Variants in SYDE2 observed in about 807,000 individuals in gnomAD.
SYDE2 encodes synapse defective Rho GTPase homolog 2, also known as rho GTPase-activating protein SYDE2.
Under a neutral mutation model 91.5 loss-of-function variants are expected in SYDE2, and 76 were observed. That is an observed-to-expected ratio of 0.83 (90% CI 0.69 to 1.01). The LOEUF (loss-of-function observed/expected upper bound fraction) is 1.01, where lower values mean the gene tolerates loss of function less well. Among genes scored for constraint, SYDE2 ranks in the 50% least tolerant of loss-of-function variants. The pLI is 0.00. For synonymous variants in SYDE2, 513 were observed against 506.4 expected, an observed-to-expected ratio of 1.01 and a Z score of -0.18; for missense variants, 1,364 against 1,367.7, an observed-to-expected ratio of 1.00 and a Z score of 0.04.
chr1:85,154,910 A>C (rs1038091492), downstream of SYDE2, among the ~76,000 whole-genome samples: 5 of 151,504 alleles, frequency 3.3e-5, no homozygotes, highest in Admixed American at 6.6e-5. Flanking sequence ...ACACACAAGG[A>C]CTCCTAGTTT....
rs5775829 is a variant in SYDE2, at chr1:85,170,114, CT to C, written c.2672-890del. ...TGATTCTATACGAAGCTTCCCATCT[CT>C]TTTTTTTTTTTTTTTTTAATTGTGA... On this transcript the variant is annotated intron_variant, in intron 4 of 6. Coordinates refer to ENST00000341460, the MANE Select transcript of SYDE2 (RefSeq NM_032184.2). 5.9e-4 allele frequency among the ~76,000 whole-genome samples: 78 copies of C among 131,228 alleles called. 1 individual carries two copies. Among genetic ancestry groups the C allele is most frequent in the Admixed American group, 9.5e-4 (12 of 12,654 alleles). 86.1% of individuals were successfully genotyped at this position (131,228 alleles called of 152,430 possible).
At chr1:85,194,798 C>G (rs1156269197) in intron 1 of SYDE2, 26 of 981,646 alleles carry the variant, frequency 2.6e-5, no homozygotes, top group Non-Finnish European at 2.9e-5. Context: ...GAACATTTAA[C>G]TAGTGCCCCC....
downstream of SYDE2, among the ~76,000 whole-genome samples, chr1:85,155,009 C>CAAAAAAAAAAAAAAAAGA (rs1656845777): frequency 3.7e-5 from 3 of 80,656 alleles, no homozygotes; most frequent in African/African-American, 6.3e-5. Flanking sequence ...AAGAATGCAG[C>CAAAAAAAAAAAAAAAAGA]AAAAAAAAAA....
chr1:85,178,074 C>T lies in SYDE2; in HGVS notation c.2671+72G>A, dbSNP rs988223240. On this transcript the variant is annotated intron_variant, in intron 4 of 6. Transcript: ENST00000341460. ...AAACAAATTAAATTTCAGCTACAAA[C>T]GTATTTCAGTTATCTTTCTTGCAGA... The T allele has an allele frequency of 3.6e-5, 44 of 1,226,378 alleles. 1 individual carries two copies. Among genetic ancestry groups the T allele is most frequent in the Middle Eastern group, 1.9e-4 (1 of 5,138 alleles). The allele number at this position is 1,226,378 out of a possible 1,614,324, so 76.0% of individuals were successfully genotyped here.
chr1:85,200,384 T>C lies in SYDE2; in HGVS notation c.613A>G (p.Met205Val), dbSNP rs766873107. 6.2e-7 allele frequency: 1 copy of C among 1,613,990 alleles called. No homozygotes were observed. The highest frequency in any genetic ancestry group is 2.2e-5 in the East Asian group (1 of 44,870). The change falls in exon 1 of 7, where the codon ATG (methionine) becomes GTG (valine). Residue 205 changes from methionine to valine, a missense_variant. By Grantham distance (21) the Met-to-Val change is conservative (BLOSUM62 1). Coordinates refer to ENST00000341460, the MANE Select transcript of SYDE2 (RefSeq NM_032184.2). ...GCCGTCCCACGGGCACGACCCTTCA[T>C]TCCCAGGGACAGCAGACGCCCTTTG... is the stretch of plus-strand genomic sequence containing the variant. ...MYKGRLLSLG[M>V]KGRARGTAPK...
At chr1:85,155,009 C>CAAAAAAAAAAAAAAAAAAAAAAAAGAAAA, downstream of SYDE2, among the ~76,000 whole-genome samples, 1 of 80,674 alleles carries the variant, frequency 1.2e-5, no homozygotes, top group African/African-American at 6.3e-5. Flanking sequence ...AAGAATGCAG[C>CAAAAAAAAAAAAAAAAAAAAAAAAGAAAA]AAAAAAAAAA....
intron 1 of SYDE2, chr1:85,194,690 A>C: frequency 2.8e-6 from 1 of 351,998 alleles, no homozygotes; most frequent in South Asian, 1.2e-4. Context: ...GGCAATTAAA[A>C]GTTTTTCACT....
chr1:85,178,359 A>C, intron 3 of SYDE2, 87 bp from the exon 4 acceptor site: 1 of 1,227,816 alleles, frequency 8.1e-7, no homozygotes, highest in Non-Finnish European at 1.1e-6. Context: ...TTTGCAATCA[A>C]ATATGTTCTG....
intron 6 of SYDE2, among the ~76,000 whole-genome samples, chr1:85,163,194 C>T (rs999384852): frequency 6.6e-6 from 1 of 150,614 alleles, no homozygotes; most frequent in Non-Finnish European, 1.5e-5. Context: ...GCAACCTCCG[C>T]CTCCCTAGTT....
Position 85,190,522 on chromosome 1 carries a change from G to A in SYDE2, c.976C>T (p.Leu326=). ...GATGATTTGAGGAAAGACTGTGATAGCTGATGTTTAGGTAGAGACACAGGT... is the reference window on the plus strand; with the variant it reads ...GATGATTTGAGGAAAGACTGTGATAACTGATGTTTAGGTAGAGACACAGGT... ...ISPVSLPKHQ[L]SQSFLKSSKE... Residue 326 remains leucine, a synonymous_variant, in exon 2 of 7, where the codon CTA becomes TTA. Coordinates refer to ENST00000341460, the MANE Select transcript of SYDE2 (RefSeq NM_032184.2). The A allele has an allele frequency of 6.2e-7, 1 of 1,613,968 alleles. No homozygotes were observed. Among genetic ancestry groups the A allele is most frequent in the Non-Finnish European group, 8.5e-7 (1 of 1,179,840 alleles).
chr1:85,164,755 T>A lies in SYDE2; in HGVS notation c.2856A>T (p.Ala952=). Reference sequence around the variant, plus strand: ...AATGATCCAACAACATCTTTAGGGTTGCCTAAATTAAATTAAATTTCAATT... The same window carrying A: ...AATGATCCAACAACATCTTTAGGGTAGCCTAAATTAAATTAAATTTCAATT... ...LLDCLPEIEK[A]TLKMLLDHLK... is the part of the protein sequence containing the mutation. Residue 952 remains alanine (A), a splice_region_variant and synonymous_variant, in exon 6 of 7, where the codon GCA becomes GCT. Transcript: ENST00000341460. The A allele has an allele frequency of 1.5e-6, 2 of 1,346,090 alleles. No individual in the cohort carries two copies. Among genetic ancestry groups the A allele is most frequent in the Non-Finnish European group, 1.9e-6 (2 of 1,043,854 alleles). 83.4% of individuals were successfully genotyped at this position (1,346,090 alleles called of 1,614,324 possible).
At chr1:85,196,015 T>C (rs900480895) in intron 1 of SYDE2, among the ~76,000 whole-genome samples, 1 of 152,170 alleles carries the variant, frequency 6.6e-6, no homozygotes, top group Non-Finnish European at 1.5e-5. Context: ...CTGTTAACCA[T>C]TGTCCTATAC....
intron 4 of SYDE2, among the ~76,000 whole-genome samples, chr1:85,173,371 G>A (rs1657571834): frequency 6.6e-6 from 1 of 152,140 alleles, no homozygotes; most frequent in African/African-American, 2.4e-5. Context: ...GGTATCAGGG[G>A]GAGCAGGGCC....
chr1:85,168,416 A>G (rs1657375576), intron 5 of SYDE2, among the ~76,000 whole-genome samples: 1 of 152,220 alleles, frequency 6.6e-6, no homozygotes, highest in East Asian at 1.9e-4. Context: ...AAGCCCAGTC[A>G]TACATTTCTC....
rs549224553 is a variant in SYDE2, at chr1:85,174,874, A to T, written c.2671+3272T>A. ...TGAGTTAATGTTCCAGAGGTCAGAG[A>T]ACATATAATATGTATGGTAAGAAAA... On this transcript the variant is annotated intron_variant, in intron 4 of 6. Coordinates refer to ENST00000341460, the MANE Select transcript of SYDE2 (RefSeq NM_032184.2). 3.2e-3 allele frequency among the ~76,000 whole-genome samples: 482 copies of T among 152,370 alleles called. 3 individuals are homozygous for T. Among genetic ancestry groups the T allele is most frequent in the South Asian group, 0.021 (100 of 4,834 alleles).
chr1:85,200,057 A>G (rs1214821593), intron 1 of SYDE2, 195 bp downstream of exon 1: 6 of 840,280 alleles, frequency 7.1e-6, no homozygotes, highest in Non-Finnish European at 8.6e-6. Flanking sequence ...AAAAGAAAAA[A>G]AAAAGCAAAA....
chr1:85,177,909 T>C (rs1657764418), intron 4 of SYDE2, among the ~76,000 whole-genome samples: 1 of 151,672 alleles, frequency 6.6e-6, no homozygotes, highest in Admixed American at 6.6e-5. Context: ...TTCTGCTAGC[T>C]ACTATAGCTA....
intron 1 of SYDE2, among the ~76,000 whole-genome samples, chr1:85,198,133 T>C (rs1340477602): frequency 1.3e-5 from 2 of 152,176 alleles, no homozygotes; most frequent in Non-Finnish European, 2.9e-5. Flanking sequence ...TCTCTGATCT[T>C]ATGTAAACAG....
chr1:85,155,984 T>C (rs935312315), downstream of SYDE2, among the ~76,000 whole-genome samples: 1 of 152,014 alleles, frequency 6.6e-6, no homozygotes, highest in Admixed American at 6.6e-5. Flanking sequence ...AATTATTAAC[T>C]ACAGTTATAA....
Sources: allele counts gnomAD v4.1 joint callset (sites outside exome capture counted in the v4.1 genomes callset), GRCh38; gene constraint gnomAD v4.1.1; transcripts MANE v1.5; gene names NCBI Gene and HGNC (gene_info 2026-07-23, HGNC 2026-07-21).